The following AFF3 variants were observed in gnomAD, a reference collection of about 807,000 sequenced individuals.
AFF3 encodes ALF transcription elongation factor 3.
AFF3 carries 32 observed loss-of-function variants against 129.7 expected under a neutral mutation model. That is an observed-to-expected ratio of 0.25 (90% CI 0.19 to 0.33). The LOEUF is 0.33. Ranked by LOEUF, AFF3 falls within the 10% of genes least tolerant of loss-of-function variation. The pLI is 1.00. For synonymous variants in AFF3, 644 were observed against 635.4 expected (o/e 1.01, Z -0.20); for missense variants, 1,373 against 1,592.0 (o/e 0.86, Z 2.34).
At chr2:99,968,989 T>C (rs1038718569) in intron 7 of AFF3, among the ~76,000 whole-genome samples, 5 of 152,150 alleles carry the variant, frequency 3.3e-5, no homozygotes, top group African/African-American at 1.2e-4. Context: ...AGAGGGAGTG[T>C]GGCTGCAGAA....
intron 7 of AFF3, among the ~76,000 whole-genome samples, chr2:99,991,928 C>T (rs762194497): frequency 2.0e-5 from 3 of 150,004 alleles, no homozygotes; most frequent in Non-Finnish European, 4.4e-5. Flanking sequence ...AACAAAAAAA[C>T]CCAAAAAACC....
At chr2:99,697,199 A>G (rs1676374396) in intron 11 of AFF3, among the ~76,000 whole-genome samples, 1 of 152,212 alleles carries the variant, frequency 6.6e-6, no homozygotes, top group South Asian at 2.1e-4. Context: ...GTGTTTTACA[A>G]GAGTTCCATT....
chr2:99,608,270 T>G (rs1334155689), intron 13 of AFF3, among the ~76,000 whole-genome samples: 1 of 152,202 alleles, frequency 6.6e-6, no homozygotes, highest in Non-Finnish European at 1.5e-5. Flanking sequence ...CTACTCCCTC[T>G]GCAGGACTGA....
intron 4 of AFF3, among the ~76,000 whole-genome samples, chr2:100,087,844 T>C (rs1445250200): frequency 6.6e-6 from 1 of 150,662 alleles, no homozygotes; most frequent in Admixed American, 6.7e-5. Flanking sequence ...AATCAGTCAA[T>C]GTATTAAAGT....
intron 7 of AFF3, among the ~76,000 whole-genome samples, chr2:99,915,303 A>T (rs1302961534): frequency 1.3e-5 from 2 of 152,356 alleles, no homozygotes; most frequent in African/African-American, 4.8e-5. Flanking sequence ...TCAAAAGGCA[A>T]GTTAGATAAT....
At chr2:99,707,231 C>G in intron 11 of AFF3, 1 of 985,362 alleles carries the variant, frequency 1.0e-6, no homozygotes, top group Non-Finnish European at 1.2e-6. Context: ...TCCTACAGAA[C>G]AGTGTCATAT....
chr2:99,640,283 G>T (rs1292505546), intron 13 of AFF3, among the ~76,000 whole-genome samples: 1 of 151,502 alleles, frequency 6.6e-6, no homozygotes, highest in Admixed American at 6.6e-5. Flanking sequence ...TTCTTCTCTT[G>T]GTTTTTAAGC....
At chr2:99,723,284 C>T (rs775683419) in intron 11 of AFF3, among the ~76,000 whole-genome samples, 2 of 152,108 alleles carry the variant, frequency 1.3e-5, no homozygotes, top group Admixed American at 1.3e-4. Flanking sequence ...CAAGCATTGA[C>T]CATCTGAAAC....
chr2:99,776,778 C>T (rs925872296), intron 8 of AFF3, among the ~76,000 whole-genome samples: 1 of 152,192 alleles, frequency 6.6e-6, no homozygotes, highest in African/African-American at 2.4e-5. Flanking sequence ...ACAAATAGCT[C>T]CATCTGGGGC....
At chr2:99,842,213 C>T (rs1339601169) in intron 7 of AFF3, among the ~76,000 whole-genome samples, 8 of 152,064 alleles carry the variant, frequency 5.3e-5, no homozygotes, top group Admixed American at 6.5e-5. Flanking sequence ...ATCTGGGGTA[C>T]GTTTACCTTC....
intron 7 of AFF3, among the ~76,000 whole-genome samples, chr2:99,931,027 G>T (rs1696639965): frequency 6.6e-6 from 1 of 152,172 alleles, no homozygotes; most frequent in African/African-American, 2.4e-5. Context: ...TACAGACCCA[G>T]TCTTTGCTTT....
intron 8 of AFF3, among the ~76,000 whole-genome samples, chr2:99,798,362 T>C (rs1351890707): frequency 6.6e-6 from 1 of 152,010 alleles, no homozygotes; most frequent in South Asian, 2.1e-4. Flanking sequence ...CATTAAATAA[T>C]TGCATTCAAT....
intron 4 of AFF3, among the ~76,000 whole-genome samples, chr2:100,032,755 T>C (rs1684605942): frequency 6.6e-6 from 1 of 152,222 alleles, no homozygotes; most frequent in African/African-American, 2.4e-5. Context: ...GTTCTGTTCC[T>C]GGACTGACTT....
At chr2:99,894,571 C>G (rs1289787657) in intron 7 of AFF3, among the ~76,000 whole-genome samples, 1 of 151,796 alleles carries the variant, frequency 6.6e-6, no homozygotes, top group Non-Finnish European at 1.5e-5. Flanking sequence ...TGGGTTCACG[C>G]CATTCTCCTG....
Position 100,140,656 on chromosome 2 carries a change from A to G in AFF3, c.-228+1828T>C, listed in dbSNP as rs112774387. On this transcript the variant is annotated intron_variant, in intron 1 of 24. Coordinates refer to ENST00000672756, the MANE Select transcript of AFF3 (RefSeq NM_001386135.1). ...GAGAGGCACTGAATGCATGTTATAT[A>G]CTATCATTTGGATGTCACCGTTCCA... 9.6e-3 allele frequency among the ~76,000 whole-genome samples: 1,469 copies of G among 152,238 alleles called. 16 individuals carry two copies. Among genetic ancestry groups the G allele is most frequent in the Non-Finnish European group, 0.015 (997 of 68,014 alleles).
In AFF3 at chr2:99,719,549, T is replaced by C. The variant is rs573781995; in HGVS notation, c.1091+7528A>G. Among the ~76,000 whole-genome samples the C allele has an allele frequency of 8.5e-5, 13 of 152,350 alleles. No homozygotes were observed. In the South Asian group the frequency reaches 2.7e-3, roughly 32 times the overall value. On this transcript the variant is annotated intron_variant, in intron 11 of 24. Transcript: ENST00000672756. ...AGAGTGTTAGTTCATTTGTTGGTGT[T>C]CCATTGATATAAATATATCTTAAAG...
At chr2:100,024,693 G>C (rs1248255584) in intron 4 of AFF3, among the ~76,000 whole-genome samples, 1 of 151,960 alleles carries the variant, frequency 6.6e-6, no homozygotes, top group East Asian at 1.9e-4. Flanking sequence ...AGACTGGTTA[G>C]TAAATTATAG....
chr2:99,918,463 T>C (rs529247114), intron 7 of AFF3, among the ~76,000 whole-genome samples: 1 of 152,276 alleles, frequency 6.6e-6, no homozygotes, highest in African/African-American at 2.4e-5. Context: ...GAGTAACAGA[T>C]CAAGTCACCA....
At chr2:100,035,191 C>T (rs1238236318) in intron 4 of AFF3, among the ~76,000 whole-genome samples, 1 of 152,206 alleles carries the variant, frequency 6.6e-6, no homozygotes, top group African/African-American at 2.4e-5. Flanking sequence ...GCTTTGAAGA[C>T]GCTCAGGCCA....
Sources: allele counts gnomAD v4.1 joint callset (sites outside exome capture counted in the v4.1 genomes callset), GRCh38; gene constraint gnomAD v4.1.1; transcripts MANE v1.5; gene names NCBI Gene and HGNC (gene_info 2026-07-23, HGNC 2026-07-21).